The following TBCK variants were observed in gnomAD, a reference collection of about 807,000 sequenced individuals.
TBCK encodes the protein TBC domain-containing protein kinase-like protein.
TBCK carries 99 observed loss-of-function variants against 113.4 expected under a neutral mutation model. The observed-to-expected ratio is 0.87, with a 90% CI of 0.74 to 1.03. TBCK has a LOEUF of 1.03. TBCK is among the 50% of genes least tolerant of loss of function. TBCK has a pLI of 0.00. For synonymous variants in TBCK, 369 were observed against 370.8 expected, an observed-to-expected ratio of 1.00 and a Z score of 0.05; for missense variants, 1,045 against 1,061.3, an observed-to-expected ratio of 0.98 and a Z score of 0.21.
intron 25 of TBCK, among the ~76,000 whole-genome samples, chr4:106,091,868 G>A (rs542316019): frequency 4.6e-5 from 7 of 152,114 alleles, no homozygotes; most frequent in Non-Finnish European, 7.3e-5. Flanking sequence ...CTGCTGATTG[G>A]TCCATTTTAC....
chr4:106,283,693 T>A lies in TBCK; in HGVS notation c.266+11401A>T, dbSNP rs560465645. ...AGAGAAGCAGTAGTAGTAATTGGAG[T>A]TATTTAATGAGAGAATTAGATTGAA... On this transcript the variant is annotated intron_variant, in intron 3 of 25. Coordinates refer to ENST00000394708, the MANE Select transcript of TBCK (RefSeq NM_001163435.3). Among the ~76,000 whole-genome samples the A allele has an allele frequency of 3.4e-4, 51 of 151,680 alleles. 1 individual carries two copies. The highest frequency in any genetic ancestry group is 1.2e-3 in the African/African-American group (48 of 41,414).
At position 106,095,541 on chromosome 4, in the gene TBCK, G is replaced by A. The variant is rs1740799305; in HGVS notation, c.2512C>T (p.Gln838Ter). 6.2e-7 allele frequency: 1 copy of A among 1,614,056 alleles called. No homozygotes were observed. Reference protein sequence around the residue: ...LTQGPYTAMLQNFKGKVIVIV... With the variant: ...LTQGPYTAML ...ACAATGACCTTCCCTTTGAAGTTCT[G>A]GAGCATAGCAGTGTAAGGGCCCTGG... Residue 838 changes from glutamine to a stop codon, truncating the protein, a stop_gained, in exon 25 of 26, where the codon CAG (glutamine) becomes TAG (stop). Transcript: ENST00000394708. LOFTEE classifies it high-confidence loss of function.
chr4:106,142,561 A>C (rs1162935600), intron 23 of TBCK, among the ~76,000 whole-genome samples: 1 of 152,160 alleles, frequency 6.6e-6, no homozygotes, highest in African/African-American at 2.4e-5. Flanking sequence ...TAGGATTTTA[A>C]AATCAGTAGA....
At chr4:106,217,433 T>C (rs1757090380) in intron 19 of TBCK, among the ~76,000 whole-genome samples, 1 of 152,238 alleles carries the variant, frequency 6.6e-6, no homozygotes, top group South Asian at 2.1e-4. Flanking sequence ...AAATTGTCCC[T>C]GTTTGCAGAT....
intron 25 of TBCK, among the ~76,000 whole-genome samples, chr4:106,051,898 A>G (rs1046311585): frequency 2.0e-5 from 3 of 151,896 alleles, no homozygotes; most frequent in East Asian, 1.9e-4. Context: ...AATGAGAAAC[A>G]TAAGAGCTGT....
intron 23 of TBCK, among the ~76,000 whole-genome samples, chr4:106,156,651 C>A (rs1259398274): frequency 6.6e-6 from 1 of 152,186 alleles, no homozygotes; most frequent in African/African-American, 2.4e-5. Context: ...TGACCACCAT[C>A]ACAAACCCAT....
intron 1 of TBCK, chr4:106,310,596 A>G (rs896379002): frequency 6.6e-6 from 1 of 152,376 alleles, no homozygotes; most frequent in African/African-American, 2.4e-5. Flanking sequence ...ACTGGTGAGA[A>G]GAGCAAACTC....
intron 25 of TBCK, among the ~76,000 whole-genome samples, chr4:106,087,843 T>C (rs1330565737): frequency 6.6e-6 from 1 of 152,086 alleles, no homozygotes; most frequent in East Asian, 1.9e-4. Flanking sequence ...AAACGAGCAG[T>C]GGGGAAAGGA....
chr4:106,129,654 A>C (rs973100950), intron 23 of TBCK, among the ~76,000 whole-genome samples: 2 of 152,230 alleles, frequency 1.3e-5, no homozygotes, highest in Non-Finnish European at 2.9e-5. Flanking sequence ...TTGACAAAAG[A>C]AGAAACACAA....
chr4:106,185,059 G>C (rs1198870630), intron 22 of TBCK, among the ~76,000 whole-genome samples: 1 of 151,918 alleles, frequency 6.6e-6, no homozygotes, highest in Non-Finnish European at 1.5e-5. Flanking sequence ...CGGTGAATCA[G>C]AACAAAACAG....
chr4:106,073,438 G>C (rs1560607355), intron 25 of TBCK, among the ~76,000 whole-genome samples: 2 of 152,172 alleles, frequency 1.3e-5, no homozygotes, highest in Non-Finnish European at 1.5e-5. Flanking sequence ...CTGAAGAACA[G>C]CAAATACTGC....
At chr4:106,186,701 G>A (rs577164330) in intron 22 of TBCK, among the ~76,000 whole-genome samples, 53 of 152,192 alleles carry the variant, frequency 3.5e-4, no homozygotes, top group African/African-American at 1.1e-3. Flanking sequence ...TCTGTTGATA[G>A]TTTCTTTTGC....
At chr4:106,295,354 C>A (rs1766185868) in intron 2 of TBCK, among the ~76,000 whole-genome samples, 188 bp from the exon 3 acceptor site, 1 of 152,124 alleles carries the variant, frequency 6.6e-6, no homozygotes, top group Admixed American at 6.6e-5. Flanking sequence ...AAAACAATAA[C>A]TATTTTTTTC....
chr4:106,286,627 C>T (rs528702023), intron 3 of TBCK, among the ~76,000 whole-genome samples: 26 of 152,172 alleles, frequency 1.7e-4, no homozygotes, highest in African/African-American at 6.3e-4. Context: ...AGGAGTTCAA[C>T]ACCAGCCTAG....
Position 106,251,948 on chromosome 4 carries a change from T to G in TBCK, c.515A>C (p.His172Pro). The change falls in exon 6 of 26, where the codon CAC becomes CCC. Residue 172 changes from histidine (H) to proline (P), a missense_variant. Coordinates refer to ENST00000394708, the MANE Select transcript of TBCK (RefSeq NM_001163435.3). Reference protein sequence around the residue: ...IAQGIFKTTDHMPSKKPLPSG... With the variant: ...IAQGIFKTTDPMPSKKPLPSG... ...AGGCAATGGTTTTTTACTTGGCATG[T>G]GATCAGTGGTTTTGAAAATTCCCTG... The G allele has an allele frequency of 6.2e-7, 1 of 1,612,078 alleles. No individual in the cohort carries two copies. Among genetic ancestry groups the G allele is most frequent in the South Asian group, 1.1e-5 (1 of 90,758 alleles).
In TBCK at chr4:106,256,712, G is replaced by A. The variant is rs140975113; in HGVS notation, c.455+3725C>T. Among the ~76,000 whole-genome samples, 256 of 152,184 alleles carry A rather than the reference G, an allele frequency of 1.7e-3. 1 individual carries two copies. Among genetic ancestry groups the A allele is most frequent in the South Asian group, 0.011 (51 of 4,816 alleles). ...CCTGCTCCTGGCCCCCATAGGCTCC[G>A]TGAAGTGACAGCCCCAGCAGCACCT... On this transcript the variant is annotated intron_variant, in intron 5 of 25. Coordinates refer to ENST00000394708, the MANE Select transcript of TBCK (RefSeq NM_001163435.3).
At chr4:106,195,648 CTCT>C (rs1180081557) in intron 20 of TBCK, among the ~76,000 whole-genome samples, 5 of 151,860 alleles carry the variant, frequency 3.3e-5, no homozygotes. Context: ...AGGAATGTGC[CTCT>C]TCTTTTCTAC....
intron 22 of TBCK, among the ~76,000 whole-genome samples, chr4:106,180,351 G>T (rs1196793466): frequency 5.9e-5 from 9 of 151,698 alleles, no homozygotes; most frequent in Admixed American, 5.9e-4. Flanking sequence ...CTTCCTTTGT[G>T]GTTAGGTGAT....
chr4:106,222,676 T>A (rs72891670), intron 19 of TBCK, among the ~76,000 whole-genome samples: 6,866 of 152,228 alleles, frequency 0.045, 518 homozygotes, highest in African/African-American at 0.15. Flanking sequence ...GGGAGTTATG[T>A]ATCTGTTGTC....
Sources: gnomAD v4.1 joint callset for allele counts (sites outside exome capture counted in the v4.1 genomes callset) on GRCh38, gnomAD v4.1.1 for gene constraint, MANE v1.5 for transcripts, NCBI Gene and HGNC (gene_info 2026-07-23, HGNC 2026-07-21) for gene names.